SLC66A2: variants seen among roughly 807,000 people sequenced by gnomAD.
SLC66A2 encodes the protein PQ loop repeat containing 1.
In SLC66A2, 23 loss-of-function variants were observed where a neutral mutation model predicts 25.5. That is an observed-to-expected ratio of 0.90 (90% confidence interval 0.65 to 1.28). SLC66A2 has a LOEUF of 1.28. Ranked by LOEUF, SLC66A2 falls within the 50% of genes most tolerant of loss-of-function variation. SLC66A2 has a pLI of 0.00. For synonymous variants in SLC66A2, 193 were observed against 166.5 expected (o/e 1.16, Z -1.23); for missense variants, 396 against 373.1 (o/e 1.06, Z -0.51).
intron 5 of SLC66A2, among the ~76,000 whole-genome samples, chr18:79,909,991 C>T (rs1982795740): frequency 7.6e-6 from 1 of 132,264 alleles, no homozygotes; most frequent in Non-Finnish European, 1.6e-5. Context: ...TACAACCTCA[C>T]CAGAGTCCCC....
intron 3 of SLC66A2, among the ~76,000 whole-genome samples, chr18:79,939,650 T>C (rs1987467308): frequency 6.6e-6 from 1 of 152,060 alleles, no homozygotes; most frequent in African/African-American, 2.4e-5. Context: ...CACTGATCAT[T>C]AGAGAAACGC....
At chr18:79,906,886 A>C (rs1206758155) in intron 5 of SLC66A2, among the ~76,000 whole-genome samples, 1 of 152,136 alleles carries the variant, frequency 6.6e-6, no homozygotes, top group Non-Finnish European at 1.5e-5. Context: ...TTCTTGGTGA[A>C]CTCACCAGTT....
rs771442602 is a variant in SLC66A2 at position 79,941,040 on chromosome 18, G to C, written c.337+2289C>G. On this transcript the variant is annotated intron_variant, in intron 3 of 5. Transcript: ENST00000397778. This position sits in a 1 kb window ranked among gnomAD's most constrained non-coding sequence, Gnocchi z 4.1. ...CAAATACTCCAGGCCTGAGGAAAGGGTGCCCCAGCTTCCTATCGCCTCCAT... is the reference window on the plus strand; with the variant it reads ...CAAATACTCCAGGCCTGAGGAAAGGCTGCCCCAGCTTCCTATCGCCTCCAT... 3.9e-4 allele frequency among the ~76,000 whole-genome samples: 59 copies of C among 152,192 alleles called. No homozygotes were observed. The highest frequency in any genetic ancestry group is 5.4e-4 in the Non-Finnish European group (37 of 68,016).
chr18:79,935,673 C>T (rs1389431115), intron 3 of SLC66A2, among the ~76,000 whole-genome samples: 1 of 152,196 alleles, frequency 6.6e-6, no homozygotes, highest in Non-Finnish European at 1.5e-5. Context: ...CCCCTTGGGA[C>T]CTGGCCGCCA....
chr18:79,934,953 A>G (rs530138371), intron 3 of SLC66A2, among the ~76,000 whole-genome samples: 15 of 152,154 alleles, frequency 9.9e-5, no homozygotes, highest in Non-Finnish European at 2.2e-4. Context: ...TATCTCTACC[A>G]AATTTGAGGG....
Position 79,951,583 on chromosome 18 carries a change from G to T in SLC66A2, c.-102C>A. 1 of 151,732 alleles carries T rather than the reference G, an allele frequency of 6.6e-6. No individual in the cohort carries two copies. The highest frequency in any genetic ancestry group is 1.8e-4 in the South Asian group (1 of 5,582). 9.4% of individuals were successfully genotyped at this position (151,732 alleles called of 1,614,324 possible). A position where few individuals can be genotyped will look rare whatever the true frequency, so the allele number is the denominator to read the frequency against. On this transcript the variant is annotated splice_region_variant and 5_prime_UTR_variant, in exon 1 of 6. Transcript: ENST00000397778. ...CGCGCCGCCCCCGCGCTCCTTACCT[G>T]CGCCCCCAGCCCCGCGCCCAGCGCC...
chr18:79,902,721 T>A lies in SLC66A2; in HGVS notation c.*1255A>T, dbSNP rs1981388321. The A allele has an allele frequency of 6.6e-6, 1 of 152,236 alleles. No homozygotes were observed. The highest frequency in any genetic ancestry group is 6.5e-5 in the Admixed American group (1 of 15,274). 9.4% of individuals were successfully genotyped at this position (152,236 alleles called of 1,614,324 possible). A position where few individuals can be genotyped will look rare whatever the true frequency, so the allele number is the denominator to read the frequency against. Reference sequence around the variant, plus strand: ...GCCTGCGGGAAGCGGCCCCTCCACCTGCGGAAGGGAAGACGATGCCTGTTG... The same window carrying A: ...GCCTGCGGGAAGCGGCCCCTCCACCAGCGGAAGGGAAGACGATGCCTGTTG... On this transcript the variant is annotated 3_prime_UTR_variant, in exon 6 of 6. Coordinates refer to ENST00000397778, the MANE Select transcript of SLC66A2 (RefSeq NM_025078.5).
chr18:79,916,106 A>G lies in SLC66A2; in HGVS notation c.608+3078T>C, dbSNP rs1401548241. 170 of 159,274 alleles carry G rather than the reference A, an allele frequency of 1.1e-3. 5 individuals carry two copies. Among genetic ancestry groups the G allele is most frequent in the East Asian group, 2.5e-3 (9 of 3,622 alleles). The allele number at this position is 159,274 out of a possible 1,614,324, so 9.9% of individuals were successfully genotyped here. ...GTACCCACGGTGCTCTCATACCCGC[A>G]GTGCTCCCGTACCCTCCCATACCCA... is the stretch of plus-strand genomic sequence containing the variant. On this transcript the variant is annotated intron_variant, in intron 5 of 5. Coordinates refer to ENST00000397778, the MANE Select transcript of SLC66A2 (RefSeq NM_025078.5).
At chr18:79,949,796 AG>A (rs1425705691) in intron 2 of SLC66A2, 2 of 152,342 alleles carry the variant, frequency 1.3e-5, no homozygotes, top group African/African-American at 2.4e-5. Context: ...CCCTCTTCAT[AG>A]GAAGAGCAGC....
chr18:79,951,345 A>G (rs2051119471), intron 1 of SLC66A2, among the ~76,000 whole-genome samples: 1 of 135,166 alleles, frequency 7.4e-6, no homozygotes, highest in Non-Finnish European at 1.6e-5. Context: ...AGGGCCCAGG[A>G]TCGGGGCGCA....
At chr18:79,924,120 C>T (rs543081754) in intron 4 of SLC66A2, among the ~76,000 whole-genome samples, 78 of 151,828 alleles carry the variant, frequency 5.1e-4, no homozygotes, top group African/African-American at 1.6e-3. Flanking sequence ...GCCGGGCCGG[C>T]GGAGAGGCTC....
rs190095306 is a variant in SLC66A2, at chr18:79,922,499, T to C, written c.392-3099A>G. ...GATTCAACGAGTTGATCTTGAGTTC[T>C]ACAACACGCCTCGGCCACGGTGCCG... On this transcript the variant is annotated intron_variant, in intron 4 of 5. Transcript: ENST00000397778. 9.2e-4 allele frequency among the ~76,000 whole-genome samples: 140 copies of C among 152,180 alleles called. 1 individual carries two copies. The highest frequency in any genetic ancestry group is 3.1e-3 in the African/African-American group (129 of 41,536).
chr18:79,946,373 C>G (rs2050926700), intron 2 of SLC66A2, among the ~76,000 whole-genome samples: 1 of 152,256 alleles, frequency 6.6e-6, no homozygotes, highest in African/African-American at 2.4e-5. Flanking sequence ...ATTTACTTCT[C>G]AACTTAACTT....
chr18:79,938,381 G>A (rs564690995), intron 3 of SLC66A2, among the ~76,000 whole-genome samples: 18 of 152,248 alleles, frequency 1.2e-4, no homozygotes, highest in African/African-American at 4.1e-4. Context: ...GCTCAGCTCC[G>A]CCCAGGGGTT....
Position 79,950,719 on chromosome 18 carries a change from C to T in SLC66A2, c.203+5G>A. 6.2e-7 allele frequency: 1 copy of T among 1,612,948 alleles called. No homozygotes were observed. The highest frequency in any genetic ancestry group is 1.1e-5 in the South Asian group (1 of 91,086). ...GCAGCCCAGGAAAGCAAGCCCCCAA[C>T]TTACCAGAAGAGTATCCGCAAAATG... On this transcript the variant is annotated splice_donor_5th_base_variant and intron_variant, in intron 2 of 5. Transcript: ENST00000397778.
At position 79,919,548 on chromosome 18, in the gene SLC66A2, ACAGGAACCGAGGGAGAGG is replaced by A. The variant is rs1568307720; in HGVS notation, c.392-166_392-149del. The stretch of plus-strand genomic sequence containing the variant: ...GAGAGGTCAAGGTCAGTGGGGAGAG[ACAGGAACCGAGGGAGAGG>A]TCAAGGTCAGTGAGGAGAGACGGGA... On this transcript the variant is annotated intron_variant, in intron 4 of 5. Transcript: ENST00000397778. The A allele has an allele frequency of 1.2e-4, 37 of 307,856 alleles. 11 individuals carry two copies. Among genetic ancestry groups the A allele is most frequent in the African/African-American group, 4.3e-4 (11 of 25,626 alleles). The allele number at this position is 307,856 out of a possible 1,614,324, so 19.1% of individuals were successfully genotyped here. A position where few individuals can be genotyped will look rare whatever the true frequency, so the allele number is the denominator to read the frequency against.
At position 79,904,108 on chromosome 18, in the gene SLC66A2, C is replaced by T. The variant is rs772200547; in HGVS notation, c.684G>A (p.Leu228=). 65 of 1,612,884 alleles carry T rather than the reference C, an allele frequency of 4.0e-5. No homozygotes were observed. The Admixed American group carries it at 9.7e-4, about 24-fold the overall frequency. The change falls in exon 6 of 6, where the codon CTG becomes CTA. Residue 228 remains leucine (L), a synonymous_variant. Transcript: ENST00000397778. This position sits in a 1 kb window ranked among gnomAD's most constrained non-coding sequence, Gnocchi z 6.3. ...GCAGCAGGCCGCACACGGAGAACTGCAGAGGGGCACCCTTCAGCAGGAAGT... is the reference window on the plus strand; with the variant it reads ...GCAGCAGGCCGCACACGGAGAACTGTAGAGGGGCACCCTTCAGCAGGAAGT... ...TAYFLLKGAP[L]QFSVCGLLQV... is the part of the protein sequence containing the mutation.
chr18:79,904,166 A>C lies in SLC66A2; in HGVS notation c.626T>G (p.Met209Arg), dbSNP rs961104811. ...TEGMSIKMVL[M>R]WTSGDAFKTA... The stretch of plus-strand genomic sequence containing the variant: ...CTTGAAGGCGTCACCACTGGTCCAC[A>C]TGAGCACCATCTTGATGCTGTGGAG... The change falls in exon 6 of 6, where the codon ATG becomes AGG. Residue 209 changes from methionine (M) to arginine (R), a missense_variant. Transcript: ENST00000397778. The surrounding 1 kb of genome is among the most constrained non-coding windows in gnomAD (Gnocchi z 6.3). 3 of 1,612,862 alleles carry C rather than the reference A, an allele frequency of 1.9e-6. No homozygotes were observed. Among genetic ancestry groups the C allele is most frequent in the Non-Finnish European group, 1.7e-6 (2 of 1,179,748 alleles).
At position 79,919,058 on chromosome 18, in the gene SLC66A2, C is replaced by T. The variant is rs897524797; in HGVS notation, c.608+126G>A. The T allele has an allele frequency of 7.4e-5, 63 of 855,788 alleles. No individual in the cohort carries two copies. In the Middle Eastern group the frequency reaches 1.0e-3, roughly 14 times the overall value. The allele number at this position is 855,788 out of a possible 1,614,324, so 53.0% of individuals were successfully genotyped here. ...GCCTATAAACCTGCTATTCTTTAAC[C>T]GGCAGCTTCACAGGTCAACGTGGGA... On this transcript the variant is annotated intron_variant, in intron 5 of 5. Transcript: ENST00000397778.
Sources: allele counts gnomAD v4.1 joint callset (sites outside exome capture counted in the v4.1 genomes callset), GRCh38; gene constraint gnomAD v4.1.1; non-coding constraint Gnocchi (gnomAD v3.1); transcripts MANE v1.5; gene names NCBI Gene and HGNC (gene_info 2026-07-23, HGNC 2026-07-21).